Variants in HPSE2 observed in about 807,000 individuals in gnomAD.
HPSE2 encodes the protein heparanase 2 (inactive), also known as inactive heparanase-2.
HPSE2 carries 38 observed loss-of-function variants against 60.5 expected under a neutral mutation model. The ratio of observed to expected loss-of-function variants is 0.63; its 90% confidence interval spans 0.48 to 0.82. The LOEUF (loss-of-function observed/expected upper bound fraction) is 0.82. HPSE2 is among the 40% of genes least tolerant of loss of function. The pLI, the probability that HPSE2 is intolerant of heterozygous loss-of-function variation, is 0.00. For missense variants in HPSE2, 713 were observed against 740.4 expected, an observed-to-expected ratio of 0.96 and a Z score of 0.43; for synonymous variants, 295 against 293.2, an observed-to-expected ratio of 1.01 and a Z score of -0.06.
the HPSE2 span, among the ~76,000 whole-genome samples, chr10:99,311,003 A>T: frequency 6.6e-6 from 1 of 151,982 alleles, no homozygotes; most frequent in Admixed American, 6.6e-5. Context: ...TTTTCATTCC[A>T]CTTTCCCTAC....
At chr10:98,544,498 C>G (rs1589395924) in intron 9 of HPSE2, among the ~76,000 whole-genome samples, 1 of 151,884 alleles carries the variant, frequency 6.6e-6, no homozygotes, top group African/African-American at 2.4e-5. Flanking sequence ...ATCACGAGGT[C>G]AGGAGATCGA....
the HPSE2 span, among the ~76,000 whole-genome samples, chr10:99,258,761 T>C: frequency 3.3e-5 from 5 of 152,262 alleles, no homozygotes; most frequent in African/African-American, 9.6e-5. Flanking sequence ...CAAAGGTAGT[T>C]CAATAAAGAA....
intron 5 of HPSE2, among the ~76,000 whole-genome samples, chr10:98,714,133 C>A (rs969052291): frequency 2.0e-5 from 3 of 151,842 alleles, no homozygotes; most frequent in Admixed American, 2.0e-4. Context: ...ATTTCTCTGT[C>A]TCTGTATAAA....
At chr10:98,512,949 TATC>T (rs1942467687) in intron 9 of HPSE2, among the ~76,000 whole-genome samples, 1 of 152,232 alleles carries the variant, frequency 6.6e-6, no homozygotes, top group Admixed American at 6.5e-5. Context: ...CACATTTCTG[TATC>T]ATATGTTCTC....
chr10:99,185,333 A>G (rs1006703323), intron 2 of HPSE2, among the ~76,000 whole-genome samples: 2 of 151,972 alleles, frequency 1.3e-5, no homozygotes, highest in Non-Finnish European at 2.9e-5. Context: ...ACAAACTTCT[A>G]AACTAAATGA....
chr10:98,580,393 G>A (rs927150231), intron 9 of HPSE2, among the ~76,000 whole-genome samples: 11 of 151,798 alleles, frequency 7.2e-5, no homozygotes, highest in Non-Finnish European at 1.3e-4. Flanking sequence ...AGTGAAATAG[G>A]GGAACCTTCT....
At chr10:98,506,323 C>T (rs1005716757) in intron 9 of HPSE2, among the ~76,000 whole-genome samples, 38 of 152,132 alleles carry the variant, frequency 2.5e-4, no homozygotes, top group African/African-American at 8.7e-4. Context: ...AGTCAAAAAA[C>T]ATTTTATTTT....
At chr10:98,960,534 G>A (rs139953519) in intron 3 of HPSE2, among the ~76,000 whole-genome samples, 1,953 of 151,780 alleles carry the variant, frequency 0.013, 19 homozygotes, top group Non-Finnish European at 0.02. Context: ...AGTAAATGTG[G>A]GAGATACTAA....
At chr10:98,531,185 T>A (rs924371970) in intron 9 of HPSE2, among the ~76,000 whole-genome samples, 7 of 151,918 alleles carry the variant, frequency 4.6e-5, no homozygotes, top group Admixed American at 2.6e-4. Context: ...TGCAAATACA[T>A]GGAAATACAG....
intron 3 of HPSE2, among the ~76,000 whole-genome samples, chr10:99,081,190 A>G (rs1251909658): frequency 6.6e-6 from 1 of 152,258 alleles, no homozygotes. Flanking sequence ...AAATTTGCAC[A>G]GCATTTCCAT....
intron 3 of HPSE2, among the ~76,000 whole-genome samples, chr10:99,104,868 C>G (rs1228566234): frequency 1.3e-5 from 2 of 151,890 alleles, no homozygotes; most frequent in East Asian, 3.9e-4. Flanking sequence ...ACAATGAGAA[C>G]ACATGGACAC....
intron 3 of HPSE2, among the ~76,000 whole-genome samples, chr10:99,111,329 T>C (rs576924360): frequency 6.6e-6 from 1 of 152,186 alleles, no homozygotes; most frequent in Non-Finnish European, 1.5e-5. Flanking sequence ...CTTTTATAAG[T>C]GAATTCATAA....
rs1215559674 is a variant in HPSE2 at position 98,803,590 on chromosome 10, A to T, written c.611-59534T>A. Reference sequence around the variant, plus strand: ...TTATTAAATAGGGAAACCTTTCCCCATTGCTTGTTTTTCTCAGGTTTGTCA... The same window carrying T: ...TTATTAAATAGGGAAACCTTTCCCCTTTGCTTGTTTTTCTCAGGTTTGTCA... On this transcript the variant is annotated intron_variant, in intron 3 of 11. Coordinates refer to ENST00000370552, the MANE Select transcript of HPSE2 (RefSeq NM_021828.5). Among the ~76,000 whole-genome samples the T allele has an allele frequency of 1.2e-4, 19 of 152,124 alleles. No homozygotes were observed. In the East Asian group the frequency reaches 2.7e-3, roughly 22 times the overall value.
At chr10:99,081,641 TA>T (rs1021021139) in intron 3 of HPSE2, among the ~76,000 whole-genome samples, 3 of 151,390 alleles carry the variant, frequency 2.0e-5, no homozygotes, top group Admixed American at 6.6e-5. Flanking sequence ...AATTTCTTTT[TA>T]TTTTTTTTTT....
chr10:99,065,397 A>G (rs1842581263), intron 3 of HPSE2, among the ~76,000 whole-genome samples: 1 of 152,134 alleles, frequency 6.6e-6, no homozygotes, highest in Non-Finnish European at 1.5e-5. Context: ...TCTGGAAAGG[A>G]TGTGAAAAAC....
At chr10:99,252,770 G>A in the HPSE2 span, among the ~76,000 whole-genome samples, 7 of 151,500 alleles carry the variant, frequency 4.6e-5, no homozygotes, top group Admixed American at 1.3e-4. Flanking sequence ...CCAGCTACTC[G>A]AGAGGCTGAG....
At chr10:98,475,175 T>C (rs530386229) in intron 11 of HPSE2, among the ~76,000 whole-genome samples, 1 of 150,714 alleles carries the variant, frequency 6.6e-6, no homozygotes, top group Non-Finnish European at 1.5e-5. Flanking sequence ...TGAAGTGCAG[T>C]GGCACGGTCT....
chr10:98,551,444 T>C (rs1334765434), intron 9 of HPSE2, among the ~76,000 whole-genome samples: 1 of 152,220 alleles, frequency 6.6e-6, no homozygotes. Context: ...AAAAAGTATC[T>C]ATTCCCCACT....
chr10:98,604,021 C>T (rs892550130), intron 9 of HPSE2, among the ~76,000 whole-genome samples: 1 of 152,100 alleles, frequency 6.6e-6, no homozygotes, highest in African/African-American at 2.4e-5. Context: ...GATGCTTCCT[C>T]TCCCCCCATA....
Sources: gnomAD v4.1 joint callset for allele counts (sites outside exome capture counted in the v4.1 genomes callset) on GRCh38, gnomAD v4.1.1 for gene constraint, MANE v1.5 for transcripts, NCBI Gene and HGNC (gene_info 2026-07-23, HGNC 2026-07-21) for gene names.